Variants in GLT1D1 observed in about 807,000 individuals in gnomAD.
GLT1D1 encodes the protein glycosyltransferase 1 domain-containing protein 1.
In GLT1D1, 21 loss-of-function variants were observed where a neutral mutation model predicts 28.7. The ratio of observed to expected loss-of-function variants is 0.73; its 90% CI spans 0.52 to 1.05. The LOEUF (loss-of-function observed/expected upper bound fraction) is 1.05, where lower values mean the gene tolerates loss of function less well. Ranked by LOEUF, GLT1D1 falls within the 50% of genes least tolerant of loss-of-function variation. The pLI is 0.00. For missense variants in GLT1D1, 343 were observed against 330.6 expected (o/e 1.04, Z -0.29); for synonymous variants, 147 against 124.8 (o/e 1.18, Z -1.19).
In GLT1D1 at chr12:128,963,961, G is replaced by A. The variant is rs1291317221; in HGVS notation, c.639+6318G>A. On this transcript the variant is annotated intron_variant, in intron 7 of 7. Coordinates refer to ENST00000281703, the MANE Select transcript of GLT1D1 (RefSeq NM_144669.3). ...AGTAACAGAATACTATAGACTGGGG[G>A]CTTAAGCAACAAACATTTCTCTCTC... is the stretch of plus-strand genomic sequence containing the variant. Among the ~76,000 whole-genome samples, 4 of 152,320 alleles carry A rather than the reference G, an allele frequency of 2.6e-5. No homozygotes were observed. The East Asian group carries it at 7.7e-4, about 29-fold the overall frequency.
chr12:128,982,137 G>A (rs552443009), intron 7 of GLT1D1, among the ~76,000 whole-genome samples: 1 of 152,204 alleles, frequency 6.6e-6, no homozygotes, highest in East Asian at 1.9e-4. Flanking sequence ...GAGCATAAAC[G>A]GAAACACAGC....
intron 4 of GLT1D1, among the ~76,000 whole-genome samples, chr12:128,920,214 G>A (rs1035774434): frequency 6.6e-6 from 1 of 152,120 alleles, no homozygotes; most frequent in African/African-American, 2.4e-5. Context: ...TAATGTGTTC[G>A]ACTGAAGTAC....
intron 7 of GLT1D1, among the ~76,000 whole-genome samples, chr12:128,964,877 A>C (rs573584925): frequency 6.6e-6 from 1 of 152,294 alleles, no homozygotes; most frequent in African/African-American, 2.4e-5. Context: ...CAGTAGAGGG[A>C]ATCACCTGGG....
chr12:128,908,830 T>C (rs1871226614), intron 4 of GLT1D1, among the ~76,000 whole-genome samples: 1 of 152,088 alleles, frequency 6.6e-6, no homozygotes, highest in Admixed American at 6.6e-5. Context: ...GCGCCTGTAG[T>C]CCCAGCTACT....
At chr12:128,904,943 A>G (rs1870691730) in intron 4 of GLT1D1, among the ~76,000 whole-genome samples, 1 of 151,872 alleles carries the variant, frequency 6.6e-6, no homozygotes, top group South Asian at 2.1e-4. Context: ...TAATTTTTGT[A>G]TTTTTAATAG....
intron 1 of GLT1D1, among the ~76,000 whole-genome samples, chr12:128,859,566 G>A (rs955384069): frequency 7.2e-5 from 11 of 152,140 alleles, no homozygotes; most frequent in Admixed American, 2.6e-4. Flanking sequence ...GAGTGACCCT[G>A]CTCCACATGT....
chr12:128,915,184 G>GC (rs1256377330), intron 4 of GLT1D1, among the ~76,000 whole-genome samples, 195 bp downstream of exon 6: 4 of 152,142 alleles, frequency 2.6e-5, no homozygotes, highest in Non-Finnish European at 5.9e-5. Context: ...AGAGACAGGG[G>GC]CTCTGGCCCT....
chr12:128,944,023 A>G (rs1875700316), intron 4 of GLT1D1, among the ~76,000 whole-genome samples: 1 of 152,230 alleles, frequency 6.6e-6, no homozygotes, highest in African/African-American at 2.4e-5. Context: ...ATGTTTTAAA[A>G]GTTCAGACAT....
intron 6 of GLT1D1, among the ~76,000 whole-genome samples, chr12:128,949,779 CACGCTCACACACAT>C: frequency 6.6e-6 from 1 of 152,112 alleles, no homozygotes; most frequent in Middle Eastern, 3.4e-3. Flanking sequence ...CACACACACA[CACGCTCACACACAT>C]GCACCTACAG....
chr12:128,957,066 G>A (rs994121229), intron 6 of GLT1D1, among the ~76,000 whole-genome samples: 14 of 152,174 alleles, frequency 9.2e-5, no homozygotes, highest in African/African-American at 1.7e-4. Flanking sequence ...ATGGAAAGTC[G>A]GCTTCGTGAA....
At chr12:128,874,075 T>C (rs1471177688) in intron 1 of GLT1D1, among the ~76,000 whole-genome samples, 16 of 10,532 alleles carry the variant, frequency 1.5e-3, no homozygotes, top group African/African-American at 4.9e-3. Context: ...TTTCTTTCTT[T>C]CTTTCTTTCT....
intron 7 of GLT1D1, among the ~76,000 whole-genome samples, chr12:128,965,426 C>T (rs1878355646): frequency 6.6e-6 from 1 of 152,166 alleles, no homozygotes; most frequent in Admixed American, 6.5e-5. Context: ...CAGCCCAGCC[C>T]AAACTTTGAT....
chr12:128,899,331 A>G, intron 4 of GLT1D1, 44 bp downstream of exon 4: 1 of 1,556,250 alleles, frequency 6.4e-7, no homozygotes, highest in Non-Finnish European at 8.9e-7. Flanking sequence ...TGCTGATGAA[A>G]TTGCAGAATT....
intron 1 of GLT1D1, among the ~76,000 whole-genome samples, chr12:128,871,863 G>A (rs780310133): frequency 2.0e-5 from 3 of 152,114 alleles, no homozygotes; most frequent in Non-Finnish European, 2.9e-5. Context: ...AAAAGGGCTA[G>A]GTTGGACTTG....
intron 1 of GLT1D1, among the ~76,000 whole-genome samples, chr12:128,874,146 CTTTCTTTCTTTCTT>C (rs1566091611): frequency 2.6e-5 from 3 of 116,080 alleles, no homozygotes; most frequent in African/African-American, 9.8e-5. Context: ...TTCTTTCTTT[CTTTCTTTCTTTCTT>C]TCTTTCTTTC....
chr12:128,974,547 G>C (rs1171227180), intron 7 of GLT1D1, among the ~76,000 whole-genome samples: 2 of 152,220 alleles, frequency 1.3e-5, no homozygotes, highest in Non-Finnish European at 2.9e-5. Context: ...AAGGGAAAGA[G>C]GAGTTTTACT....
At chr12:128,971,200 G>A (rs1238268939) in intron 7 of GLT1D1, among the ~76,000 whole-genome samples, 1 of 152,102 alleles carries the variant, frequency 6.6e-6, no homozygotes, top group Non-Finnish European at 1.5e-5. Context: ...AGTGCCACGC[G>A]GCAAAACGAC....
chr12:128,889,631 G>C (rs999639433), intron 3 of GLT1D1, among the ~76,000 whole-genome samples: 7 of 152,128 alleles, frequency 4.6e-5, no homozygotes, highest in Admixed American at 4.6e-4. Context: ...ATGTCAATAC[G>C]GTGAAAGGAG....
intron 4 of GLT1D1, among the ~76,000 whole-genome samples, chr12:128,929,908 G>A (rs1873685600): frequency 2.0e-5 from 3 of 152,200 alleles, no homozygotes; most frequent in African/African-American, 4.8e-5. Context: ...CCTGGGAAGC[G>A]GAGGTTGCAG....
Sources: allele counts gnomAD v4.1 joint callset (sites outside exome capture counted in the v4.1 genomes callset), GRCh38; gene constraint gnomAD v4.1.1; transcripts MANE v1.5; gene names NCBI Gene and HGNC (gene_info 2026-07-23, HGNC 2026-07-21).